HJURP: variants seen among roughly 807,000 people sequenced by gnomAD.
HJURP encodes the protein Holliday junction recognition protein.
In HJURP, 49 loss-of-function variants were observed where a neutral mutation model predicts 72.0. That is an observed-to-expected ratio of 0.68 (90% confidence interval 0.54 to 0.86). The LOEUF is 0.86. HJURP is among the 40% of genes least tolerant of loss of function. HJURP has a pLI of 0.00. For missense variants in HJURP, 908 were observed against 936.3 expected, an observed-to-expected ratio of 0.97 and a Z score of 0.39; for synonymous variants, 357 against 347.1, an observed-to-expected ratio of 1.03 and a Z score of -0.32.
At chr2:233,844,755 C>T (rs1705314156) in intron 6 of HJURP, among the ~76,000 whole-genome samples, 1 of 152,094 alleles carries the variant, frequency 6.6e-6, no homozygotes. Context: ...GTCGGTGGTC[C>T]ACAAATACAG....
chr2:233,841,540 C>A lies in HJURP; in HGVS notation c.1240G>T (p.Val414Leu). 1 of 1,614,108 alleles carries A rather than the reference C, an allele frequency of 6.2e-7. No individual in the cohort carries two copies. Among genetic ancestry groups the A allele is most frequent in the Non-Finnish European group, 8.5e-7 (1 of 1,179,948 alleles). ...FRTLKWLISP[V>L]KIVSRPTIRQ... The stretch of plus-strand genomic sequence containing the variant: ...ATTGTTGGTCTGGAAACTATTTTTA[C>A]AGGAGAAATTAACCATTTTAATGTC... Residue 414 changes from valine to leucine, a missense_variant, in exon 8 of 9, where the codon GTA becomes TTA. Val to Leu is a conservative substitution (Grantham distance 32). This residue lies in a region of HJURP where 598 missense variants were observed against 619.5 expected (regional missense o/e 0.97). Coordinates refer to ENST00000411486, the MANE Select transcript of HJURP (RefSeq NM_018410.5).
At position 233,845,356 on chromosome 2, in the gene HJURP, T is replaced by G. The variant is rs1294384683; in HGVS notation, c.495+372A>C. Among the ~76,000 whole-genome samples the G allele has an allele frequency of 7.2e-5, 11 of 152,272 alleles. No homozygotes were observed. In the East Asian group the frequency reaches 2.1e-3, roughly 29 times the overall value. On this transcript the variant is annotated intron_variant, in intron 6 of 8. Coordinates refer to ENST00000411486, the MANE Select transcript of HJURP (RefSeq NM_018410.5). ...TAGTAGAGATGAGATTTCACCATGTTGGCCAGGCTGGTCTCAAACTCCTGA... is the reference window on the plus strand; with the variant it reads ...TAGTAGAGATGAGATTTCACCATGTGGGCCAGGCTGGTCTCAAACTCCTGA...
intron 8 of HJURP, among the ~76,000 whole-genome samples, chr2:233,839,730 C>T (rs570751790): frequency 6.6e-6 from 1 of 152,146 alleles, no homozygotes; most frequent in African/African-American, 2.4e-5. Flanking sequence ...TTATGGCAGG[C>T]AGGGTCCACC....
rs761479842 is a variant in HJURP, at chr2:233,854,522, C to G, written c.-22G>C. 3.8e-6 allele frequency: 6 copies of G among 1,571,038 alleles called. No individual in the cohort carries two copies. Among genetic ancestry groups the G allele is most frequent in the Non-Finnish European group, 5.2e-6 (6 of 1,149,288 alleles). On this transcript the variant is annotated 5_prime_UTR_variant, in exon 1 of 9. Transcript: ENST00000411486. ...GCATCGGACCCAGCCAGTACCCAAG[C>G]GCCAACCCGGACTGCAGGGCCTCGC...
At chr2:233,847,064 G>A (rs376234042) in intron 5 of HJURP, among the ~76,000 whole-genome samples, 10 of 152,176 alleles carry the variant, frequency 6.6e-5, no homozygotes, top group East Asian at 5.8e-4. Context: ...GAGACTGACC[G>A]AGAGCCCAGC....
Position 233,837,308 on chromosome 2 carries a change from AC to A in HJURP, c.*268del. 1 of 343,094 alleles carries A rather than the reference AC, an allele frequency of 2.9e-6. No homozygotes were observed. Among genetic ancestry groups the A allele is most frequent in the South Asian group, 4.0e-5 (1 of 25,178 alleles). The allele number at this position is 343,094 out of a possible 1,614,324, so 21.3% of individuals were successfully genotyped here. A position where few individuals can be genotyped will look rare whatever the true frequency, so the allele number is the denominator to read the frequency against. On this transcript the variant is annotated 3_prime_UTR_variant, in exon 9 of 9. Coordinates refer to ENST00000411486, the MANE Select transcript of HJURP (RefSeq NM_018410.5). ...CAAAAACAAACAAACAAACAAACAA[AC>A]AAACAAATAACCCCCCCCCAAAAAA...
At position 233,841,433 on chromosome 2, in the gene HJURP, G is replaced by A. The variant is rs1431410799; in HGVS notation, c.1347C>T (p.Pro449=). The A allele has an allele frequency of 1.9e-6, 3 of 1,614,140 alleles. No homozygotes were observed. Among genetic ancestry groups the A allele is most frequent in the Non-Finnish European group, 2.5e-6 (3 of 1,180,018 alleles). Residue 449 remains proline (P), a synonymous_variant, in exon 8 of 9, where the codon CCC becomes CCT. Transcript: ENST00000411486. ...DQLHREYCLS[P]RNQPRRMCLP... is the part of the protein sequence containing the mutation. ...GGCACATCCGGCGAGGCTGGTTCCT[G>A]GGACTCAGGCAATATTCCCGATGAA...
rs777065648 is a variant in HJURP, at chr2:233,837,670, CAAAG to C, written c.2172-22_2172-19del. The C allele has an allele frequency of 2.7e-5, 42 of 1,535,630 alleles. No homozygotes were observed. Among genetic ancestry groups the C allele is most frequent in the Admixed American group, 7.5e-5 (4 of 53,362 alleles). ...TCTCTCCTCTAGGAAAAAAAAAAGA[CAAAG>C]AAAATGATGTTAGCAAAATTCTAGA... On this transcript the variant is annotated intron_variant, in intron 8 of 8. Transcript: ENST00000411486.
At chr2:233,844,115 G>T in intron 7 of HJURP, 90 bp downstream of exon 7, 1 of 878,992 alleles carries the variant, frequency 1.1e-6, no homozygotes, top group Non-Finnish European at 1.9e-6. Context: ...ATGATGGCGT[G>T]GCCAGTATGA....
Position 233,842,183 on chromosome 2 carries a change from T to C in HJURP, c.597A>G (p.Arg199=). ...GTTTCGCTGGGTCACCAGGACTCTT[T>C]CTGGAGATACGACTGCAGTATCCTG... ...PAPGYCSRIS[R]KSPGDPAKPA... Residue 199 remains arginine, a synonymous_variant, in exon 8 of 9, where the codon AGA becomes AGG. Transcript: ENST00000411486. 1 of 1,612,644 alleles carries C rather than the reference T, an allele frequency of 6.2e-7. No individual in the cohort carries two copies. Among genetic ancestry groups the C allele is most frequent in the Non-Finnish European group, 8.5e-7 (1 of 1,179,160 alleles).
At position 233,849,886 on chromosome 2, in the gene HJURP, AT is replaced by A. The variant is rs767233818; in HGVS notation, c.241-28del. The A allele has an allele frequency of 9.0e-5, 126 of 1,403,280 alleles. 1 individual carries two copies. In the East Asian group the frequency reaches 3.1e-3, roughly 34 times the overall value. The allele number at this position is 1,403,280 out of a possible 1,614,324, so 86.9% of individuals were successfully genotyped here. ...TCCAAGTGCAGAAGCCAATAAAAAC[AT>A]GGTTGTTTGAGTGACAGCACATTTC... On this transcript the variant is annotated intron_variant, in intron 3 of 8. Transcript: ENST00000411486.
chr2:233,837,311 A>G lies in HJURP; in HGVS notation c.*266T>C. On this transcript the variant is annotated 3_prime_UTR_variant, in exon 9 of 9. Transcript: ENST00000411486. ...AAACAAACAAACAAACAAACAAACAAACAAATAACCCCCCCCCAAAAAAAA... is the reference window on the plus strand; with the variant it reads ...AAACAAACAAACAAACAAACAAACAGACAAATAACCCCCCCCCAAAAAAAA... The G allele has an allele frequency of 3.0e-6, 1 of 328,594 alleles. No homozygotes were observed. The allele number at this position is 328,594 out of a possible 1,614,324, so 20.4% of individuals were successfully genotyped here. A position where few individuals can be genotyped will look rare whatever the true frequency, so the allele number is the denominator to read the frequency against.
intron 8 of HJURP, among the ~76,000 whole-genome samples, chr2:233,838,237 T>G (rs1351523821): frequency 1.3e-5 from 2 of 152,180 alleles, no homozygotes; most frequent in Admixed American, 6.5e-5. Flanking sequence ...AAATGAAACC[T>G]GGGGTGTTCA....
rs1253168755 is a variant in HJURP at position 233,841,108 on chromosome 2, G to C, written c.1672C>G (p.Pro558Ala). ...SSGIFRKSVSPSKTLSVPDKE... is the reference protein window; with the variant it reads ...SSGIFRKSVSASKTLSVPDKE... ...TCTGGGACTGAAAGAGTTTTGCTGG[G>C]TGACACTGACTTTCTAAATATTCCA... The change falls in exon 8 of 9, where the codon CCC becomes GCC. Residue 558 changes from proline to alanine, a missense_variant. By Grantham distance (27) the Pro-to-Ala change is conservative (BLOSUM62 -1). Around this residue, in one of 3 missense-constraint regions of HJURP, gnomAD observed 598 missense variants for 619.5 expected, o/e 0.97. Coordinates refer to ENST00000411486, the MANE Select transcript of HJURP (RefSeq NM_018410.5). 1 of 1,614,136 alleles carries C rather than the reference G, an allele frequency of 6.2e-7. No homozygotes were observed. The highest frequency in any genetic ancestry group is 8.5e-7 in the Non-Finnish European group (1 of 1,180,026).
At chr2:233,854,016 G>T in intron 1 of HJURP, 106 bp from the exon 2 acceptor site, 1 of 1,004,784 alleles carries the variant, frequency 1.0e-6, no homozygotes, top group Non-Finnish European at 1.5e-6. Context: ...CTGGCCTGGG[G>T]CGCCCCAAAC....
chr2:233,851,567 A>T (rs1337800054), intron 3 of HJURP, among the ~76,000 whole-genome samples: 1 of 152,166 alleles, frequency 6.6e-6, no homozygotes, highest in Non-Finnish European at 1.5e-5. Context: ...AGTTAAAAAA[A>T]CATGATTTTT....
chr2:233,839,358 G>A (rs1705159179), intron 8 of HJURP, among the ~76,000 whole-genome samples: 1 of 152,206 alleles, frequency 6.6e-6, no homozygotes, highest in Non-Finnish European at 1.5e-5. Context: ...GAGGATGTCC[G>A]AGGATGCAAT....
intron 6 of HJURP, among the ~76,000 whole-genome samples, chr2:233,844,928 G>A (rs1445880948): frequency 1.3e-5 from 2 of 152,132 alleles, no homozygotes; most frequent in African/African-American, 4.8e-5. Flanking sequence ...TAAGAGAGGG[G>A]TTGGCAGGTG....
In HJURP at chr2:233,846,073, C is replaced by A; in HGVS notation, c.403-253G>T. On this transcript the variant is annotated intron_variant, in intron 5 of 8. Transcript: ENST00000411486. The surrounding 1 kb of genome is among the most constrained non-coding windows in gnomAD (Gnocchi z 4.3). ...AGAAGTTTATGACAGCATTGCTAGACCAGGAAAAAAAAAATCTGAATATTC... is the reference window on the plus strand; with the variant it reads ...AGAAGTTTATGACAGCATTGCTAGAACAGGAAAAAAAAAATCTGAATATTC... 3 of 389,426 alleles carry A rather than the reference C, an allele frequency of 7.7e-6. No homozygotes were observed. Among genetic ancestry groups the A allele is most frequent in the Middle Eastern group, 7.0e-4 (1 of 1,432 alleles). 24.1% of individuals were successfully genotyped at this position (389,426 alleles called of 1,614,324 possible).
Sources: allele counts gnomAD v4.1 joint callset (sites outside exome capture counted in the v4.1 genomes callset), GRCh38; gene constraint gnomAD v4.1.1; regional missense constraint gnomAD v4.1.1; non-coding constraint Gnocchi (gnomAD v3.1); transcripts MANE v1.5; gene names NCBI Gene and HGNC (gene_info 2026-07-23, HGNC 2026-07-21).